Variants in RBPMS observed in about 807,000 individuals in gnomAD.
RBPMS encodes the protein RNA binding protein, mRNA processing factor, also known as RNA-binding protein with multiple splicing.
A neutral mutation model predicts 26.8 loss-of-function variants in RBPMS; 7 were observed. The observed-to-expected ratio is 0.26, with a 90% confidence interval of 0.15 to 0.49. The LOEUF (loss-of-function observed/expected upper bound fraction) is 0.49, where lower values mean the gene tolerates loss of function less well. Ranked by LOEUF, RBPMS falls within the 20% of genes least tolerant of loss-of-function variation. The pLI, the probability that RBPMS is intolerant of heterozygous loss-of-function variation, is 0.98. For synonymous variants in RBPMS, 96 were observed against 93.3 expected, an observed-to-expected ratio of 1.03 and a Z score of -0.17; for missense variants, 186 against 250.0, an observed-to-expected ratio of 0.74 and a Z score of 1.73.
chr8:30,544,958 G>A, intron 6 of RBPMS: 4 of 1,460,608 alleles, frequency 2.7e-6, no homozygotes, highest in Non-Finnish European at 3.6e-6. Context: ...ATACGTGTGT[G>A]CCTTGTGTGG....
At chr8:30,527,338 A>G (rs1303940561) in intron 5 of RBPMS, among the ~76,000 whole-genome samples, 1 of 152,110 alleles carries the variant, frequency 6.6e-6, no homozygotes, top group East Asian at 1.9e-4. Context: ...CTACCCTGGG[A>G]AACCTTTTCT....
rs181564993 is a variant in RBPMS, at chr8:30,481,113, A to C, written c.246+1736A>C. On this transcript the variant is annotated intron_variant, in intron 4 of 8. Coordinates refer to ENST00000397323, the MANE Select transcript of RBPMS (RefSeq NM_001008710.3). ...GGTTGCATTTTTGTTTTTTAAAGAT[A>C]ACTGAAGGGTTTTGTTTGTTTGTTA... 1.2e-4 allele frequency among the ~76,000 whole-genome samples: 18 copies of C among 152,322 alleles called. No individual in the cohort carries two copies. The East Asian group carries it at 2.1e-3, about 18-fold the overall frequency.
intron 1 of RBPMS, among the ~76,000 whole-genome samples, chr8:30,432,004 T>C (rs1811991106): frequency 6.6e-6 from 1 of 151,624 alleles, no homozygotes; most frequent in Admixed American, 6.6e-5. Context: ...GGCATATATC[T>C]GAGGTCCCAG....
chr8:30,464,979 T>C (rs1388689104), intron 1 of RBPMS, among the ~76,000 whole-genome samples: 1 of 152,198 alleles, frequency 6.6e-6, no homozygotes, highest in Non-Finnish European at 1.5e-5. Flanking sequence ...AAAAACTTAA[T>C]GTTTTAGCAG....
intron 5 of RBPMS, among the ~76,000 whole-genome samples, chr8:30,512,572 T>TC (rs928437863): frequency 1.3e-5 from 2 of 152,178 alleles, no homozygotes; most frequent in African/African-American, 2.4e-5. Context: ...CACTTCAGTC[T>TC]CCAACTCCTG....
intron 7 of RBPMS, among the ~76,000 whole-genome samples, chr8:30,560,470 G>A (rs1321968537): frequency 6.6e-6 from 1 of 152,178 alleles, no homozygotes; most frequent in Non-Finnish European, 1.5e-5. Flanking sequence ...TTCTCTGATG[G>A]CAGGGATAGG....
intron 1 of RBPMS, among the ~76,000 whole-genome samples, chr8:30,451,937 A>G (rs927244919): frequency 2.0e-5 from 3 of 152,148 alleles, no homozygotes; most frequent in Non-Finnish European, 4.4e-5. Context: ...CCACAGTATC[A>G]TTTCAGGTGT....
At chr8:30,511,038 G>A (rs758631493) in intron 5 of RBPMS, among the ~76,000 whole-genome samples, 1 of 152,104 alleles carries the variant, frequency 6.6e-6, no homozygotes, top group African/African-American at 2.4e-5. Context: ...AAGGCCAGGC[G>A]TGGTGGCTCA....
rs1281007856 is a variant in RBPMS, at chr8:30,566,286, T to G, written c.*37T>G. The stretch of plus-strand genomic sequence containing the variant: ...CAGGTGTGTGATGGCGGCTGCAATC[T>G]GTCTTGTGGGTATTAATGCAATCTT... On this transcript the variant is annotated 3_prime_UTR_variant, in exon 8 of 9. Transcript: ENST00000397323. The G allele has an allele frequency of 1.0e-6, 1 of 985,862 alleles. No homozygotes were observed. Among genetic ancestry groups the G allele is most frequent in the Non-Finnish European group, 1.2e-6 (1 of 830,036 alleles). The allele number at this position is 985,862 out of a possible 1,614,324, so 61.1% of individuals were successfully genotyped here. A position where few individuals can be genotyped will look rare whatever the true frequency, so the allele number is the denominator to read the frequency against.
chr8:30,499,603 A>C (rs1820340174), intron 4 of RBPMS, among the ~76,000 whole-genome samples: 1 of 144,992 alleles, frequency 6.9e-6, no homozygotes, highest in Non-Finnish European at 1.5e-5. Flanking sequence ...AATCTAAACC[A>C]AAAAAAAAAA....
At chr8:30,566,228 C>T (rs1157104614) in intron 7 of RBPMS, 29 bp from the exon 8 acceptor site, 67 of 985,156 alleles carry the variant, frequency 6.8e-5, no homozygotes, top group Non-Finnish European at 7.6e-5. Flanking sequence ...TACTGTGCAC[C>T]GTTAACGGGT....
intron 5 of RBPMS, among the ~76,000 whole-genome samples, chr8:30,515,067 G>C (rs887623101): frequency 2.0e-5 from 3 of 152,008 alleles, no homozygotes; most frequent in African/African-American, 7.2e-5. Flanking sequence ...CTCCTCCCAG[G>C]GTCAAACGAT....
chr8:30,421,736 CA>C (rs1199285176), intron 1 of RBPMS, among the ~76,000 whole-genome samples: 1 of 152,000 alleles, frequency 6.6e-6, no homozygotes, highest in Non-Finnish European at 1.5e-5. Flanking sequence ...GCAGGTGGAT[CA>C]CAAGGTCAAG....
chr8:30,425,321 C>T (rs1011445818), intron 1 of RBPMS, among the ~76,000 whole-genome samples: 6 of 152,038 alleles, frequency 3.9e-5, no homozygotes, highest in African/African-American at 9.7e-5. Flanking sequence ...TATATTGAAA[C>T]GTATATATAG....
chr8:30,408,195 C>A (rs1808868098), intron 1 of RBPMS, among the ~76,000 whole-genome samples: 1 of 152,296 alleles, frequency 6.6e-6, no homozygotes, highest in African/African-American at 2.4e-5. Flanking sequence ...ACTCTCCCCA[C>A]CCTTAGTCCA....
intron 5 of RBPMS, among the ~76,000 whole-genome samples, chr8:30,535,392 G>A (rs966375928): frequency 3.3e-5 from 5 of 152,214 alleles, no homozygotes; most frequent in Admixed American, 2.0e-4. Flanking sequence ...AGTAGGTGCA[G>A]TGTTCAGGGT....
At chr8:30,550,211 T>C (rs1826245357) in intron 6 of RBPMS, among the ~76,000 whole-genome samples, 1 of 152,132 alleles carries the variant, frequency 6.6e-6, no homozygotes, top group Admixed American at 6.5e-5. Flanking sequence ...TCTGCGGGGC[T>C]TCATTTCCTT....
intron 6 of RBPMS, chr8:30,545,331 C>CT (rs1394599295): frequency 8.7e-7 from 1 of 1,154,658 alleles, no homozygotes; most frequent in Non-Finnish European, 1.1e-6. Flanking sequence ...CTAACACTTC[C>CT]TCTCCCCTTG....
intron 1 of RBPMS, chr8:30,385,361 CG>C (rs1806906305): frequency 2.4e-6 from 1 of 414,314 alleles, no homozygotes; most frequent in Non-Finnish European, 4.3e-6. Flanking sequence ...CCCCAAATTG[CG>C]TAACTCCAAG....
Sources: allele counts gnomAD v4.1 joint callset (sites outside exome capture counted in the v4.1 genomes callset), GRCh38; gene constraint gnomAD v4.1.1; transcripts MANE v1.5; gene names NCBI Gene and HGNC (gene_info 2026-07-23, HGNC 2026-07-21).